The following PTBP3 variants were observed in gnomAD, a reference collection of about 807,000 sequenced individuals.
PTBP3 encodes polypyrimidine tract-binding protein 3.
In PTBP3, 20 loss-of-function variants were observed where a neutral mutation model predicts 58.7. The ratio of observed to expected loss-of-function variants is 0.34; its 90% CI spans 0.24 to 0.50. The LOEUF (loss-of-function observed/expected upper bound fraction) is 0.50, where lower values mean the gene tolerates loss of function less well. Ranked by LOEUF, PTBP3 falls within the 20% of genes least tolerant of loss-of-function variation. The probability of loss-of-function intolerance (pLI) is 0.98; values close to 1 mark genes in which losing one functional copy is unlikely to be tolerated. For missense variants in PTBP3, 509 were observed against 637.2 expected (o/e 0.80, Z 2.17); for synonymous variants, 185 against 219.8 (o/e 0.84, Z 1.40).
chr9:112,227,491 C>A lies in PTBP3; in HGVS notation c.1284G>T (p.Leu428Phe), dbSNP rs913970552. The A allele has an allele frequency of 6.2e-7, 1 of 1,613,958 alleles. No individual in the cohort carries two copies. Among genetic ancestry groups the A allele is most frequent in the Non-Finnish European group, 8.5e-7 (1 of 1,179,920 alleles). ...TAGAGCCCGGCTTTTTAAAGCGATG[C>A]AAAGGACTATTGCTGAAATCCTTAG... ...GLTKDFSNSPLHRFKKPGSKN... is the reference protein window; with the variant it reads ...GLTKDFSNSPFHRFKKPGSKN... The change falls in exon 12 of 14, where the codon TTG becomes TTT. Residue 428 changes from leucine to phenylalanine, a missense_variant. Leu to Phe is a conservative substitution (Grantham distance 22, BLOSUM62 0). Transcript: ENST00000374257.
rs67629809 is a variant in PTBP3, at chr9:112,312,500, TA to T, written c.-51-14585del. 2.9e-4 allele frequency among the ~76,000 whole-genome samples: 36 copies of T among 123,060 alleles called. 1 individual carries two copies. Among genetic ancestry groups the T allele is most frequent in the East Asian group, 4.6e-4 (2 of 4,332 alleles). 80.7% of individuals were successfully genotyped at this position (123,060 alleles called of 152,430 possible). A position where few individuals can be genotyped will look rare whatever the true frequency, so the allele number is the denominator to read the frequency against. On this transcript the variant is annotated intron_variant, in intron 1 of 13. Transcript: ENST00000374257. ...TGTTTTTTTTTTTGTTTTTTTTTTTTAAAAAAAAAAAAAAGGACGTGTGTGT... is the reference window on the plus strand; with the variant it reads ...TGTTTTTTTTTTTGTTTTTTTTTTTTAAAAAAAAAAAAAGGACGTGTGTGT...
intron 8 of PTBP3, among the ~76,000 whole-genome samples, chr9:112,232,580 A>T (rs924914065): frequency 6.6e-6 from 1 of 152,178 alleles, no homozygotes; most frequent in African/African-American, 2.4e-5. Context: ...CCCTTCTATC[A>T]AGTGTATATG....
chr9:112,252,273 A>G (rs1836155433), intron 6 of PTBP3: 1 of 196,054 alleles, frequency 5.1e-6, no homozygotes, highest in Non-Finnish European at 1.0e-5. Flanking sequence ...CAGCCATACC[A>G]CCCTGAATGC....
rs879514503 is a variant in PTBP3 at position 112,315,297 on chromosome 9, TAAAAA to T, written c.-51-17386_-51-17382del. On this transcript the variant is annotated intron_variant, in intron 1 of 13. Transcript: ENST00000374257. Reference sequence around the variant, plus strand: ...CTTATCTGATCAAAGTAGTAAGCTTTAAAAAAAAAAAAATCAGTAACAAAAAGATA... The same window carrying T: ...CTTATCTGATCAAAGTAGTAAGCTTTAAAAAAAATCAGTAACAAAAAGATA... Among the ~76,000 whole-genome samples, 3 of 143,986 alleles carry T rather than the reference TAAAAA, an allele frequency of 2.1e-5. No individual in the cohort carries two copies. The South Asian group carries it at 6.5e-4, about 31-fold the overall frequency. The allele number at this position is 143,986 out of a possible 152,430, so 94.5% of individuals were successfully genotyped here. A position where few individuals can be genotyped will look rare whatever the true frequency, so the allele number is the denominator to read the frequency against.
intron 1 of PTBP3, among the ~76,000 whole-genome samples, chr9:112,331,126 C>CACACACAG (rs58593707): frequency 6.8e-6 from 1 of 147,582 alleles, no homozygotes; most frequent in Non-Finnish European, 1.5e-5. Flanking sequence ...CACACACACA[C>CACACACAG]GAGAGACAGT....
chr9:112,265,872 C>T (rs1343261625), intron 4 of PTBP3, among the ~76,000 whole-genome samples: 1 of 152,182 alleles, frequency 6.6e-6, no homozygotes, highest in Non-Finnish European at 1.5e-5. Flanking sequence ...TGAACCCTTA[C>T]CCTCATTCCT....
At chr9:112,310,147 A>C (rs1221351586) in intron 1 of PTBP3, among the ~76,000 whole-genome samples, 1 of 152,194 alleles carries the variant, frequency 6.6e-6, no homozygotes, top group Non-Finnish European at 1.5e-5. Context: ...CAAGACTGCC[A>C]CTGTTGAGAT....
At chr9:112,269,196 C>CAAA (rs5899997) in intron 3 of PTBP3, among the ~76,000 whole-genome samples, 4 of 91,290 alleles carry the variant, frequency 4.4e-5, no homozygotes, top group Non-Finnish European at 6.5e-5. Flanking sequence ...AACTCTGTCT[C>CAAA]AAAAAAAAAA....
At chr9:112,349,804 C>T in the PTBP3 span, among the ~76,000 whole-genome samples, 3 of 128,252 alleles carry the variant, frequency 2.3e-5, no homozygotes, top group East Asian at 2.5e-4. Context: ...ATGAAGGTTG[C>T]GGTGAACCGA....
intron 4 of PTBP3, among the ~76,000 whole-genome samples, chr9:112,265,144 C>T (rs534502960): frequency 8.8e-5 from 13 of 147,414 alleles, no homozygotes; most frequent in African/African-American, 3.4e-4. Flanking sequence ...AAGAAATACG[C>T]AAGATATATT....
chr9:112,331,950 A>C (rs570162503), intron 1 of PTBP3, among the ~76,000 whole-genome samples: 34 of 152,346 alleles, frequency 2.2e-4, no homozygotes, highest in South Asian at 6.2e-4. Context: ...AACCTTCCAG[A>C]CAATTAACTA....
chr9:112,279,244 GAC>G (rs1233652571), intron 2 of PTBP3, among the ~76,000 whole-genome samples: 1 of 152,046 alleles, frequency 6.6e-6, no homozygotes, highest in Non-Finnish European at 1.5e-5. Flanking sequence ...TGTACAAAAG[GAC>G]AGTTTTCAAA....
chr9:112,306,145 A>T (rs1308137764), intron 1 of PTBP3, among the ~76,000 whole-genome samples: 1 of 152,008 alleles, frequency 6.6e-6, no homozygotes, highest in Non-Finnish European at 1.5e-5. Flanking sequence ...ATATAACAAA[A>T]TTATTAATTT....
intron 11 of PTBP3, among the ~76,000 whole-genome samples, 157 bp downstream of exon 11, chr9:112,228,223 C>A (rs949923306): frequency 1.3e-5 from 2 of 152,102 alleles, no homozygotes; most frequent in African/African-American, 4.8e-5. Flanking sequence ...TATTTTTTAA[C>A]CTTAACATAT....
At chr9:112,337,104 A>G (rs113070992), upstream of PTBP3, among the ~76,000 whole-genome samples, 1,851 of 152,290 alleles carry the variant, frequency 0.012, 43 homozygotes, top group African/African-American at 0.042. Flanking sequence ...ATCTCAGCTC[A>G]CTGCAACCTC....
Position 112,234,854 on chromosome 9 carries a change from T to C in PTBP3, c.846A>G (p.Gly282=), listed in dbSNP as rs759324561. The C allele has an allele frequency of 1.2e-6, 2 of 1,613,030 alleles. No individual in the cohort carries two copies. Among genetic ancestry groups the C allele is most frequent in the African/African-American group, 1.3e-5 (1 of 74,954 alleles). ...IISSPYAGAA[G]FAPAIGFPQA... ...GAGGAAATCCAATGGCTGGGGCAAATCCAGCAGCCCCTGCATATGGTGAAG... is the reference window on the plus strand; with the variant it reads ...GAGGAAATCCAATGGCTGGGGCAAACCCAGCAGCCCCTGCATATGGTGAAG... The change falls in exon 8 of 14, where the codon GGA becomes GGG. Residue 282 remains glycine, a synonymous_variant. Coordinates refer to ENST00000374257, the MANE Select transcript of PTBP3 (RefSeq NM_001163788.4).
intron 1 of PTBP3, chr9:112,330,541 G>C (rs1830327765): frequency 1.8e-6 from 2 of 1,092,654 alleles, no homozygotes; most frequent in South Asian, 1.5e-5. Context: ...AAAAGACAGA[G>C]ATAGTAAGAA....
At chr9:112,227,689 G>A in intron 11 of PTBP3, 62 bp from the exon 12 acceptor site, 1 of 1,172,376 alleles carries the variant, frequency 8.5e-7, no homozygotes, top group Non-Finnish European at 1.3e-6. Flanking sequence ...AGTAGTATCT[G>A]ACAACATTAC....
At chr9:112,267,389 G>C (rs1359074190) in intron 4 of PTBP3, among the ~76,000 whole-genome samples, 1 of 151,912 alleles carries the variant, frequency 6.6e-6, no homozygotes, top group African/African-American at 2.4e-5. Context: ...GGATGGTCTC[G>C]ATCTCCTGAC....
Sources: gnomAD v4.1 joint callset for allele counts (sites outside exome capture counted in the v4.1 genomes callset) on GRCh38, gnomAD v4.1.1 for gene constraint, MANE v1.5 for transcripts, NCBI Gene and HGNC (gene_info 2026-07-23, HGNC 2026-07-21) for gene names.